Variants in LRRTM4 observed in about 807,000 individuals in gnomAD.
LRRTM4 encodes leucine-rich repeat transmembrane neuronal protein 4.
In LRRTM4, 25 loss-of-function variants were observed where a neutral mutation model predicts 47.6. The observed-to-expected ratio is 0.53, with a 90% CI of 0.38 to 0.73. LRRTM4 has a LOEUF of 0.73. LRRTM4 is among the 30% of genes least tolerant of loss of function. The pLI, the probability that LRRTM4 is intolerant of heterozygous loss-of-function variation, is 0.00. For synonymous variants in LRRTM4, 311 were observed against 269.5 expected (o/e 1.15, Z -1.51); for missense variants, 638 against 713.4 (o/e 0.89, Z 1.20).
Position 77,142,588 on chromosome 2 carries a change from C to CTA in LRRTM4, c.1551+375728_1551+375729dup, listed in dbSNP as rs1445142092. On this transcript the variant is annotated intron_variant, in intron 3 of 3. Transcript: ENST00000409884. Reference sequence around the variant, plus strand: ...TTCAAATATTAGTAACTATGACATTCTATATGCTTATCCCCCATAAATATG... The same window carrying CTA: ...TTCAAATATTAGTAACTATGACATTCTATATATGCTTATCCCCCATAAATATG... Among the ~76,000 whole-genome samples, 3 of 152,076 alleles carry CTA rather than the reference C, an allele frequency of 2.0e-5. No individual in the cohort carries two copies. In the East Asian group the frequency reaches 5.8e-4, roughly 29 times the overall value.
chr2:76,811,914 C>T (rs865832636), intron 3 of LRRTM4, among the ~76,000 whole-genome samples: 1 of 152,130 alleles, frequency 6.6e-6, no homozygotes, highest in Non-Finnish European at 1.5e-5. Flanking sequence ...AGATCTTACT[C>T]ATTGCTTTTA....
intron 3 of LRRTM4, among the ~76,000 whole-genome samples, chr2:76,801,216 T>C (rs959461290): frequency 7.2e-5 from 11 of 152,170 alleles, no homozygotes; most frequent in African/African-American, 2.4e-4. Context: ...CATGCACACA[T>C]ATGTTTATTG....
intron 3 of LRRTM4, among the ~76,000 whole-genome samples, chr2:77,022,022 G>A (rs1678293343): frequency 6.6e-6 from 1 of 152,104 alleles, no homozygotes; most frequent in South Asian, 2.1e-4. Flanking sequence ...TCCATTTCAT[G>A]CTGCTGATAA....
intron 3 of LRRTM4, among the ~76,000 whole-genome samples, chr2:77,303,272 A>C (rs758673186): frequency 2.0e-5 from 3 of 147,142 alleles, no homozygotes; most frequent in Admixed American, 1.3e-4. Flanking sequence ...AAAACAAACA[A>C]ACAAACAAAA....
At chr2:76,790,808 T>C (rs531004165) in intron 3 of LRRTM4, among the ~76,000 whole-genome samples, 65 of 152,174 alleles carry the variant, frequency 4.3e-4, no homozygotes, top group African/African-American at 1.5e-3. Context: ...GTTTCTGCCA[T>C]AGAAACAATC....
chr2:77,064,544 T>C (rs1055568932), intron 3 of LRRTM4, among the ~76,000 whole-genome samples: 27 of 152,318 alleles, frequency 1.8e-4, no homozygotes, highest in Admixed American at 1.2e-3. Flanking sequence ...TAATTTCACA[T>C]CACAGTTATC....
chr2:77,055,788 C>G (rs971747683), intron 3 of LRRTM4, among the ~76,000 whole-genome samples: 4 of 151,680 alleles, frequency 2.6e-5, no homozygotes, highest in African/African-American at 7.3e-5. Context: ...TTGGAACCAA[C>G]CCAAATGTCC....
At chr2:77,192,962 A>G (rs543368677) in intron 3 of LRRTM4, among the ~76,000 whole-genome samples, 19 of 152,308 alleles carry the variant, frequency 1.2e-4, no homozygotes, top group Non-Finnish European at 2.6e-4. Context: ...GTCTTTGACA[A>G]TAAGTCATAT....
chr2:77,347,725 C>T (rs1419070992), intron 3 of LRRTM4, among the ~76,000 whole-genome samples: 1 of 151,976 alleles, frequency 6.6e-6, no homozygotes, highest in East Asian at 1.9e-4. Context: ...TGTTAAATTG[C>T]TATAAAAGTT....
intron 3 of LRRTM4, among the ~76,000 whole-genome samples, chr2:77,091,317 C>T (rs868157195): frequency 2.1e-5 from 3 of 143,180 alleles, no homozygotes; most frequent in Non-Finnish European, 4.4e-5. Context: ...CACCCCTTAC[C>T]ATCTCATTAA....
rs745419725 is a variant in LRRTM4 at position 77,050,128 on chromosome 2, C to CTTT, written c.1552-301215_1552-301213dup. Among the ~76,000 whole-genome samples the CTTT allele has an allele frequency of 5.3e-3, 593 of 112,632 alleles. 11 individuals are homozygous for CTTT. Among genetic ancestry groups the CTTT allele is most frequent in the African/African-American group, 0.019 (530 of 28,552 alleles). The allele number at this position is 112,632 out of a possible 152,430, so 73.9% of individuals were successfully genotyped here. On this transcript the variant is annotated intron_variant, in intron 3 of 3. Coordinates refer to ENST00000409884, the MANE Select transcript of LRRTM4 (RefSeq NM_001134745.3). ...CAGATGTGTTTTGTTAGAACCAAGTCTTTTTTTTTTTTTTTTTTGCTTTGA... is the reference window on the plus strand; with the variant it reads ...CAGATGTGTTTTGTTAGAACCAAGTCTTTTTTTTTTTTTTTTTTTTTGCTTTGA...
At chr2:77,107,335 A>G (rs1671118049) in intron 3 of LRRTM4, among the ~76,000 whole-genome samples, 1 of 152,218 alleles carries the variant, frequency 6.6e-6, no homozygotes. Flanking sequence ...TAAATCATGT[A>G]TAGGTGTTAA....
At chr2:76,986,966 A>G (rs1055260561) in intron 3 of LRRTM4, among the ~76,000 whole-genome samples, 1 of 151,970 alleles carries the variant, frequency 6.6e-6, no homozygotes, top group Non-Finnish European at 1.5e-5. Context: ...TTCTGACACC[A>G]TATTTATCTG....
rs201215387 is a variant in LRRTM4 at position 77,518,753 on chromosome 2, G to A, written c.1116C>T (p.His372=). 1.1e-4 allele frequency: 170 copies of A among 1,613,246 alleles called. No individual in the cohort carries two copies. Among genetic ancestry groups the A allele is most frequent in the Admixed American group, 2.0e-4 (12 of 59,852 alleles). Reference sequence around the variant, plus strand: ...GTTTCTGGGGAGTTTGGGGCACCAGGTGTGATCTTTCTGTGTTGACCACCT... The same window carrying A: ...GTTTCTGGGGAGTTTGGGGCACCAGATGTGATCTTTCTGTGTTGACCACCT... ...EVQVVNTERS[H]LVPQTPQKPL... is the part of the protein sequence containing the mutation. Residue 372 remains histidine, a synonymous_variant, in exon 3 of 4, where the codon CAC becomes CAT. Coordinates refer to ENST00000409884, the MANE Select transcript of LRRTM4 (RefSeq NM_001134745.3).
At chr2:77,438,580 A>G (rs992256427) in intron 3 of LRRTM4, among the ~76,000 whole-genome samples, 1 of 151,442 alleles carries the variant, frequency 6.6e-6, no homozygotes, top group Non-Finnish European at 1.5e-5. Flanking sequence ...CTGATTTTTT[A>G]TATTTTTAGT....
chr2:77,041,144 G>A (rs190976372), intron 3 of LRRTM4, among the ~76,000 whole-genome samples: 6 of 151,402 alleles, frequency 4.0e-5, no homozygotes, highest in Non-Finnish European at 5.9e-5. Flanking sequence ...ATCAACTTTA[G>A]ATTCCACCTA....
At chr2:77,288,890 A>G (rs1676738816) in intron 3 of LRRTM4, among the ~76,000 whole-genome samples, 1 of 152,044 alleles carries the variant, frequency 6.6e-6, no homozygotes, top group Non-Finnish European at 1.5e-5. Context: ...AAATAAAGTT[A>G]CAACGCTATT....
rs545278006 is a variant in LRRTM4, at chr2:76,968,296, A to G, written c.1552-219380T>C. On this transcript the variant is annotated intron_variant, in intron 3 of 3. Coordinates refer to ENST00000409884, the MANE Select transcript of LRRTM4 (RefSeq NM_001134745.3). The stretch of plus-strand genomic sequence containing the variant: ...TGGCAATGAGTCTAAAAATCTCACA[A>G]TATATAGGGTTGGTAAAATGTAAAT... Among the ~76,000 whole-genome samples the G allele has an allele frequency of 2.2e-3, 320 of 145,042 alleles. 1 individual carries two copies. Among genetic ancestry groups the G allele is most frequent in the African/African-American group, 7.7e-3 (309 of 40,092 alleles).
intron 3 of LRRTM4, among the ~76,000 whole-genome samples, chr2:76,892,097 C>G (rs1673273938): frequency 6.6e-6 from 1 of 151,178 alleles, no homozygotes; most frequent in Non-Finnish European, 1.5e-5. Flanking sequence ...ATTTAAAATA[C>G]AAAAAATAAA....
Sources: allele counts gnomAD v4.1 joint callset (sites outside exome capture counted in the v4.1 genomes callset), GRCh38; gene constraint gnomAD v4.1.1; transcripts MANE v1.5; gene names NCBI Gene and HGNC (gene_info 2026-07-23, HGNC 2026-07-21).